The following BCAS3 variants were observed in gnomAD, a reference collection of about 807,000 sequenced individuals.
BCAS3 encodes BCAS3 microtubule associated cell migration factor, also known as BCAS4/BCAS3 fusion.
BCAS3 carries 53 observed loss-of-function variants against 116.1 expected under a neutral mutation model. That is an observed-to-expected ratio of 0.46 (90% CI 0.37 to 0.57). BCAS3 has a LOEUF of 0.57. Ranked by LOEUF, BCAS3 falls within the 20% of genes least tolerant of loss-of-function variation. The pLI is 0.00. For missense variants in BCAS3, 917 were observed against 1,165.4 expected (o/e 0.79, Z 3.10); for synonymous variants, 391 against 408.2 (o/e 0.96, Z 0.51).
At chr17:61,110,426 C>T (rs2143727994) in intron 22 of BCAS3, among the ~76,000 whole-genome samples, 1 of 152,342 alleles carries the variant, frequency 6.6e-6, no homozygotes, top group Admixed American at 6.5e-5. Context: ...CATTGCCTCA[C>T]TTGGGAAGCG....
At chr17:60,949,151 A>G (rs1233952055) in intron 14 of BCAS3, among the ~76,000 whole-genome samples, 1 of 152,226 alleles carries the variant, frequency 6.6e-6, no homozygotes, top group African/African-American at 2.4e-5. Flanking sequence ...CTGGGATTAT[A>G]GACGTGAGCC....
intron 7 of BCAS3, chr17:60,811,405 G>T: frequency 1.6e-6 from 1 of 616,332 alleles, no homozygotes; most frequent in African/African-American, 1.8e-5. Context: ...CCTCTCCCAG[G>T]ATAGTGGATG....
At chr17:60,720,613 T>C (rs948755974) in intron 5 of BCAS3, among the ~76,000 whole-genome samples, 2 of 152,070 alleles carry the variant, frequency 1.3e-5, no homozygotes, top group Non-Finnish European at 2.9e-5. Context: ...GGGAAAAAAG[T>C]AAAAAATAAT....
At chr17:61,237,403 A>G (rs2083146103) in intron 22 of BCAS3, among the ~76,000 whole-genome samples, 1 of 152,234 alleles carries the variant, frequency 6.6e-6, no homozygotes, top group Non-Finnish European at 1.5e-5. Flanking sequence ...TAGGACAGAA[A>G]CGGAACATGG....
At chr17:61,085,657 G>A (rs1364162333) in intron 22 of BCAS3, among the ~76,000 whole-genome samples, 3 of 152,150 alleles carry the variant, frequency 2.0e-5, no homozygotes, top group Non-Finnish European at 4.4e-5. Context: ...TACTTTAGAG[G>A]ACTCATACTT....
At chr17:60,799,524 G>T (rs9904140) in intron 6 of BCAS3, among the ~76,000 whole-genome samples, 23,611 of 101,910 alleles carry the variant, frequency 0.23, 4,623 homozygotes, top group African/African-American at 0.56. Context: ...ATTAGTGTTT[G>T]TTTTTTTTTT....
At position 61,332,368 on chromosome 17, in the gene BCAS3, T is replaced by C. The variant is rs916961496; in HGVS notation, c.2426-35959T>C. On this transcript the variant is annotated intron_variant, in intron 22 of 23. Transcript: ENST00000407086. The surrounding 1 kb of genome is among the most constrained non-coding windows in gnomAD (Gnocchi z 5.4). ...TGACTACAGCGTCCCCTCCCCTCCC[T>C]CCACCATCCGAGAGGTCAGCTTCCT... Among the ~76,000 whole-genome samples the C allele has an allele frequency of 6.6e-6, 1 of 152,058 alleles. No homozygotes were observed. Among genetic ancestry groups the C allele is most frequent in the Non-Finnish European group, 1.5e-5 (1 of 68,002 alleles).
At chr17:60,852,586 G>T (rs1440565151) in intron 7 of BCAS3, among the ~76,000 whole-genome samples, 1 of 152,076 alleles carries the variant, frequency 6.6e-6, no homozygotes, top group Non-Finnish European at 1.5e-5. Context: ...TAAGAATTGT[G>T]TACAAATTGA....
intron 21 of BCAS3, among the ~76,000 whole-genome samples, chr17:61,081,003 T>C (rs539196484): frequency 6.6e-6 from 1 of 152,308 alleles, no homozygotes; most frequent in South Asian, 2.1e-4. Flanking sequence ...GTGATGCTAA[T>C]TGATTAAATA....
intron 14 of BCAS3, among the ~76,000 whole-genome samples, chr17:60,981,832 A>T (rs1185026404): frequency 6.6e-6 from 1 of 152,196 alleles, no homozygotes; most frequent in Non-Finnish European, 1.5e-5. Flanking sequence ...TCATATGGCC[A>T]TATAGCTTGT....
At chr17:61,149,426 T>C (rs1322708263) in intron 22 of BCAS3, among the ~76,000 whole-genome samples, 1 of 152,110 alleles carries the variant, frequency 6.6e-6, no homozygotes, top group African/African-American at 2.4e-5. Flanking sequence ...CTCATGAGAG[T>C]TGGAGATTAA....
rs1481809236 is a variant in BCAS3, at chr17:61,088,041, G to A, written c.2425+3477G>A. Among the ~76,000 whole-genome samples, 5 of 152,126 alleles carry A rather than the reference G, an allele frequency of 3.3e-5. No individual in the cohort carries two copies. The stretch of plus-strand genomic sequence containing the variant: ...TAATAAAAATACAAAAATTAGCTGG[G>A]CATGGTTTCACATGGCTGTAATCCC... On this transcript the variant is annotated intron_variant, in intron 22 of 23. Coordinates refer to ENST00000407086, the MANE Select transcript of BCAS3 (RefSeq NM_017679.5). This position sits in a 1 kb window ranked among gnomAD's most constrained non-coding sequence, Gnocchi z 4.2.
In BCAS3 at chr17:61,118,229, C is replaced by A. The variant is rs939231797; in HGVS notation, c.2425+33665C>A. Reference sequence around the variant, plus strand: ...GGAGGTAGAAGCCCAGGTTCCTTACCACACTACTGTTACCACCCAATCAGG... The same window carrying A: ...GGAGGTAGAAGCCCAGGTTCCTTACAACACTACTGTTACCACCCAATCAGG... On this transcript the variant is annotated intron_variant, in intron 22 of 23. Transcript: ENST00000407086. This position sits in a 1 kb window ranked among gnomAD's most constrained non-coding sequence, Gnocchi z 5.0. Among the ~76,000 whole-genome samples the A allele has an allele frequency of 2.6e-5, 4 of 152,148 alleles. No individual in the cohort carries two copies. Among genetic ancestry groups the A allele is most frequent in the African/African-American group, 9.7e-5 (4 of 41,416 alleles).
chr17:61,157,299 A>G (rs2144037574), intron 22 of BCAS3, among the ~76,000 whole-genome samples: 1 of 152,308 alleles, frequency 6.6e-6, no homozygotes, highest in South Asian at 2.1e-4. Flanking sequence ...AATGTCTTTT[A>G]TCTTCTCTTC....
chr17:60,788,222 G>T (rs2046451112), intron 6 of BCAS3, among the ~76,000 whole-genome samples: 1 of 152,130 alleles, frequency 6.6e-6, no homozygotes, highest in Non-Finnish European at 1.5e-5. Flanking sequence ...AGCTTTTTCA[G>T]TGAGTAAGGG....
At chr17:61,033,809 G>A (rs529758790) in intron 16 of BCAS3, among the ~76,000 whole-genome samples, 4 of 152,262 alleles carry the variant, frequency 2.6e-5, no homozygotes, top group African/African-American at 7.2e-5. Flanking sequence ...ACAGAAATAC[G>A]GGATTGAAAA....
chr17:60,765,941 T>G (rs551175609), intron 6 of BCAS3, among the ~76,000 whole-genome samples: 1 of 152,328 alleles, frequency 6.6e-6, no homozygotes, highest in Non-Finnish European at 1.5e-5. Context: ...AATTTGATCT[T>G]CAATCACTGA....
chr17:60,678,858 TAAC>T (rs762604203), intron 1 of BCAS3, among the ~76,000 whole-genome samples: 1 of 152,170 alleles, frequency 6.6e-6, no homozygotes, highest in Non-Finnish European at 1.5e-5. Flanking sequence ...TAATTTATGT[TAAC>T]AACAGACCAA....
chr17:60,992,756 T>C (rs1278723340), intron 15 of BCAS3, among the ~76,000 whole-genome samples: 1 of 152,228 alleles, frequency 6.6e-6, no homozygotes, highest in Non-Finnish European at 1.5e-5. Flanking sequence ...CTATGAGATA[T>C]TGATATTTTC....
Sources: gnomAD v4.1 joint callset for allele counts (sites outside exome capture counted in the v4.1 genomes callset) on GRCh38, gnomAD v4.1.1 for gene constraint, Gnocchi (gnomAD v3.1) non-coding constraint, MANE v1.5 for transcripts, NCBI Gene and HGNC (gene_info 2026-07-23, HGNC 2026-07-21) for gene names.